Variants in FGF14 observed in about 807,000 individuals in gnomAD.
The protein encoded by FGF14 is fibroblast growth factor 14.
FGF14 carries 5 observed loss-of-function variants against 25.5 expected under a neutral mutation model. That is an observed-to-expected ratio of 0.20 (90% CI 0.10 to 0.41). The LOEUF is 0.41. Ranked by LOEUF, FGF14 falls within the 10% of genes least tolerant of loss-of-function variation. FGF14 has a pLI of 1.00. For missense variants in FGF14, 222 were observed against 320.1 expected, an observed-to-expected ratio of 0.69 and a Z score of 2.34; for synonymous variants, 138 against 118.3, an observed-to-expected ratio of 1.17 and a Z score of -1.08.
chr13:102,152,536 A>C (rs1010533090), intron 1 of FGF14, among the ~76,000 whole-genome samples: 1 of 152,220 alleles, frequency 6.6e-6, no homozygotes, highest in Non-Finnish European at 1.5e-5. Flanking sequence ...TTTTGACTTA[A>C]TACCTATCTC....
intron 1 of FGF14, among the ~76,000 whole-genome samples, chr13:101,968,672 C>CAAAAA (rs2037385558): frequency 2.7e-5 from 2 of 74,372 alleles, no homozygotes; most frequent in African/African-American, 1.2e-4. Context: ...GACTCCGTCT[C>CAAAAA]CAAAAAAAAA....
At chr13:101,882,840 G>T (rs1158018669) in intron 1 of FGF14, among the ~76,000 whole-genome samples, 2 of 152,082 alleles carry the variant, frequency 1.3e-5, no homozygotes, top group African/African-American at 2.4e-5. Flanking sequence ...TTAAAGAAAG[G>T]TACAAACATC....
intron 1 of FGF14, among the ~76,000 whole-genome samples, chr13:102,007,334 G>A (rs2039858959): frequency 6.6e-6 from 1 of 152,168 alleles, no homozygotes; most frequent in Non-Finnish European, 1.5e-5. Flanking sequence ...TAGTGTATGT[G>A]TTCAAGTATT....
At chr13:102,208,190 T>G (rs2050016467) in intron 1 of FGF14, among the ~76,000 whole-genome samples, 1 of 152,196 alleles carries the variant, frequency 6.6e-6, no homozygotes, top group African/African-American at 2.4e-5. Flanking sequence ...ATCGCTCCAC[T>G]CAAATCTGTT....
chr13:102,223,175 G>T (rs990487590), intron 1 of FGF14, among the ~76,000 whole-genome samples: 1 of 152,114 alleles, frequency 6.6e-6, no homozygotes, highest in Non-Finnish European at 1.5e-5. Flanking sequence ...CCAAAATTTA[G>T]TATGAGTGGG....
intron 1 of FGF14, among the ~76,000 whole-genome samples, chr13:102,341,238 T>C (rs892975198): frequency 1.2e-4 from 18 of 152,082 alleles, no homozygotes; most frequent in Admixed American, 4.6e-4. Flanking sequence ...GTAGAGAAAA[T>C]GCTTTTATAT....
chr13:102,072,631 C>T (rs1029162050), intron 1 of FGF14, among the ~76,000 whole-genome samples: 1 of 149,680 alleles, frequency 6.7e-6, no homozygotes, highest in African/African-American at 2.4e-5. Flanking sequence ...TTTTACAACT[C>T]ATTAATCTTC....
chr13:102,110,682 C>G lies in FGF14; in HGVS notation c.209-235386G>C, dbSNP rs187487428. On this transcript the variant is annotated intron_variant, in intron 1 of 4. Coordinates refer to the FGF14 transcript ENST00000376131. ...CATTGATTTCTCAATGTCTGTCATA[C>G]ACGCCTGTTACGTGATCCTCAGCTT... 3.9e-5 allele frequency among the ~76,000 whole-genome samples: 6 copies of G among 152,264 alleles called. No homozygotes were observed. The East Asian group carries it at 1.2e-3, about 30-fold the overall frequency.
At chr13:101,882,550 GT>G (rs35443564) in intron 1 of FGF14, among the ~76,000 whole-genome samples, 45,806 of 145,754 alleles carry the variant, frequency 0.31, 7,353 homozygotes, top group African/African-American at 0.4. Flanking sequence ...TATATTTTCT[GT>G]TTTTTTTTTT....
chr13:101,904,363 T>C lies in FGF14; in HGVS notation c.193+12090A>G, dbSNP rs531033712. Among the ~76,000 whole-genome samples, 7 of 151,968 alleles carry C rather than the reference T, an allele frequency of 4.6e-5. No homozygotes were observed. The South Asian group carries it at 1.5e-3, about 32-fold the overall frequency. On this transcript the variant is annotated intron_variant, in intron 1 of 4. Coordinates refer to ENST00000376143, the MANE Select transcript of FGF14 (RefSeq NM_004115.4). ...TTTGGGGTATTTTCTTATATTCAGG[T>C]TTTAAGAAAAAAAAAATCAACAGGC...
rs1309257540 is a variant in FGF14, at chr13:102,400,555, CCTCGGA to C, written c.208+910_208+915del. Among the ~76,000 whole-genome samples, 1 of 152,208 alleles carries C rather than the reference CCTCGGA, an allele frequency of 6.6e-6. No homozygotes were observed. Among genetic ancestry groups the C allele is most frequent in the East Asian group, 1.9e-4 (1 of 5,184 alleles). On this transcript the variant is annotated intron_variant, in intron 1 of 4. Transcript: ENST00000376131. This position sits in a 1 kb window ranked among gnomAD's most constrained non-coding sequence, Gnocchi z 4.3. ...ACAGCTCCGCGGCCGCCCCCAATCG[CCTCGGA>C]CTGAGACGCGGGGACGGGAACCCCT...
At chr13:102,278,645 T>TATATATATATATATATATAC (rs1452733538) in intron 1 of FGF14, among the ~76,000 whole-genome samples, 3 of 146,954 alleles carry the variant, frequency 2.0e-5, no homozygotes, top group African/African-American at 7.7e-5. Flanking sequence ...TATATATATA[T>TATATATATATATATATATAC]ACATACACAC....
At chr13:102,081,897 G>T (rs1056315772) in intron 1 of FGF14, among the ~76,000 whole-genome samples, 9 of 152,046 alleles carry the variant, frequency 5.9e-5, no homozygotes, top group African/African-American at 2.2e-4. Flanking sequence ...TTATGATTCA[G>T]ATTTAGTTTC....
chr13:102,106,618 AAG>A (rs1300654001), intron 1 of FGF14, among the ~76,000 whole-genome samples: 1 of 151,904 alleles, frequency 6.6e-6, no homozygotes, highest in African/African-American at 2.4e-5. Context: ...GAGAAAAAGA[AAG>A]AAAGAGAGAG....
chr13:102,215,245 C>T (rs1193515176), intron 1 of FGF14, among the ~76,000 whole-genome samples: 1 of 152,154 alleles, frequency 6.6e-6, no homozygotes, highest in Non-Finnish European at 1.5e-5. Flanking sequence ...AGTGAGAGAA[C>T]CTCCAAGGTC....
intron 3 of FGF14, among the ~76,000 whole-genome samples, chr13:101,815,632 T>A (rs749171705): frequency 8.6e-5 from 13 of 151,602 alleles, no homozygotes; most frequent in Middle Eastern, 3.4e-3. Flanking sequence ...TAGTGGTGAC[T>A]CCCTTCAATG....
rs796285466 is a variant in FGF14, at chr13:101,943,812, T to TACAAAAA, written c.209-68517_209-68516insTTTTTGT. ...AACATGGAGAATCCCTGTCTCTACT[T>TACAAAAA]AAAAAAAAAAAAAAATATATATATA... On this transcript the variant is annotated intron_variant, in intron 1 of 4. Transcript: ENST00000376131. Among the ~76,000 whole-genome samples, 268 of 134,156 alleles carry TACAAAAA rather than the reference T, an allele frequency of 2.0e-3. 3 individuals carry two copies. Among genetic ancestry groups the TACAAAAA allele is most frequent in the African/African-American group, 7.7e-3 (249 of 32,546 alleles). 88.0% of individuals were successfully genotyped at this position (134,156 alleles called of 152,430 possible).
chr13:102,226,486 T>C (rs2050831425), intron 1 of FGF14, among the ~76,000 whole-genome samples: 1 of 152,222 alleles, frequency 6.6e-6, no homozygotes, highest in South Asian at 2.1e-4. Context: ...ATTCAATTTT[T>C]CACAATAGAT....
intron 3 of FGF14, among the ~76,000 whole-genome samples, chr13:101,729,937 G>T (rs772613351): frequency 4.6e-5 from 7 of 152,134 alleles, no homozygotes; most frequent in Non-Finnish European, 1.0e-4. Flanking sequence ...AGAATAAATG[G>T]TATTGTGAAA....
Sources: allele counts gnomAD v4.1 joint callset (sites outside exome capture counted in the v4.1 genomes callset), GRCh38; gene constraint gnomAD v4.1.1; non-coding constraint Gnocchi (gnomAD v3.1); transcripts MANE v1.5; gene names NCBI Gene and HGNC (gene_info 2026-07-23, HGNC 2026-07-21).